Variants in ELMO1 observed in about 807,000 individuals in gnomAD.
The protein encoded by ELMO1 is engulfment and cell motility 1.
A neutral mutation model predicts 98.9 loss-of-function variants in ELMO1; 26 were observed. That is an observed-to-expected ratio of 0.26 (90% CI 0.19 to 0.36). ELMO1 has a LOEUF of 0.36. ELMO1 is among the 10% of genes least tolerant of loss of function. ELMO1 has a pLI of 1.00. For missense variants in ELMO1, 627 were observed against 935.2 expected (o/e 0.67, Z 4.30); for synonymous variants, 346 against 346.0 (o/e 1.00, Z 0.00).
At chr7:37,444,035 G>T (rs1409639059) in intron 1 of ELMO1, among the ~76,000 whole-genome samples, 1 of 152,174 alleles carries the variant, frequency 6.6e-6, no homozygotes, top group Non-Finnish European at 1.5e-5. Context: ...CTACCAAGTA[G>T]CTGGGACTAC....
intron 13 of ELMO1, among the ~76,000 whole-genome samples, chr7:37,145,832 C>T (rs1029730703): frequency 4.6e-5 from 7 of 152,144 alleles, no homozygotes; most frequent in African/African-American, 1.7e-4. Flanking sequence ...TTCACTTAAT[C>T]TATGAAAAGC....
chr7:37,438,044 T>C, intron 1 of ELMO1, among the ~76,000 whole-genome samples: 1 of 152,076 alleles, frequency 6.6e-6, no homozygotes, highest in East Asian at 1.9e-4. Flanking sequence ...CACCATGCTG[T>C]GTAATAAAAT....
chr7:36,987,388 C>T (rs1255559581), intron 16 of ELMO1, among the ~76,000 whole-genome samples: 3 of 152,152 alleles, frequency 2.0e-5, no homozygotes, highest in African/African-American at 4.8e-5. Context: ...CAGGGGTCTG[C>T]GGAAGCCCTC....
chr7:37,035,306 T>C (rs1795117524), intron 15 of ELMO1, among the ~76,000 whole-genome samples: 1 of 152,228 alleles, frequency 6.6e-6, no homozygotes, highest in Admixed American at 6.5e-5. Context: ...ATTCTCCAGA[T>C]TTTGATCTTT....
chr7:37,071,281 C>T (rs533617848), intron 15 of ELMO1, among the ~76,000 whole-genome samples: 2 of 152,234 alleles, frequency 1.3e-5, no homozygotes, highest in South Asian at 4.1e-4. Context: ...TGTAGGGTTC[C>T]ATTTACATGA....
Position 37,431,864 on chromosome 7 carries a change from T to G in ELMO1, c.-74+16811A>C, listed in dbSNP as rs558096174. On this transcript the variant is annotated intron_variant, in intron 1 of 21. Coordinates refer to ENST00000310758, the MANE Select transcript of ELMO1 (RefSeq NM_014800.11). ...GGCCAGGTGATCTATGAAGTTTGTTTTTTGTTTGTTTGTTTGTTTGTTTGT... is the reference window on the plus strand; with the variant it reads ...GGCCAGGTGATCTATGAAGTTTGTTGTTTGTTTGTTTGTTTGTTTGTTTGT... Among the ~76,000 whole-genome samples the G allele has an allele frequency of 2.6e-5, 4 of 152,066 alleles. No individual in the cohort carries two copies. In the East Asian group the frequency reaches 5.8e-4, roughly 22 times the overall value.
At chr7:36,903,425 C>T (rs981898137) in intron 16 of ELMO1, among the ~76,000 whole-genome samples, 1 of 148,934 alleles carries the variant, frequency 6.7e-6, no homozygotes, top group African/African-American at 2.4e-5. Flanking sequence ...CCAGAGCCTG[C>T]ACAGTCCAGT....
intron 16 of ELMO1, among the ~76,000 whole-genome samples, chr7:36,907,052 A>G (rs1204105814): frequency 6.6e-6 from 1 of 152,082 alleles, no homozygotes; most frequent in Non-Finnish European, 1.5e-5. Flanking sequence ...TTGTCTTTTT[A>G]TGACTACTGA....
chr7:37,154,847 A>T lies in ELMO1; in HGVS notation c.1087-21613T>A, dbSNP rs564356519. On this transcript the variant is annotated intron_variant, in intron 13 of 21. Transcript: ENST00000310758. ...GATACTCCTTGAGAAGAGCAACCCC[A>T]AGACACATAATTGTCAGATTTACCA... Among the ~76,000 whole-genome samples the T allele has an allele frequency of 1.9e-3, 286 of 152,334 alleles. 2 individuals carry two copies. The highest frequency in any genetic ancestry group is 6.7e-3 in the African/African-American group (277 of 41,576).
At chr7:36,904,493 C>T (rs1783815104) in intron 16 of ELMO1, among the ~76,000 whole-genome samples, 1 of 152,158 alleles carries the variant, frequency 6.6e-6, no homozygotes, top group Admixed American at 6.5e-5. Context: ...ACTAGTTATG[C>T]AATGTCTTAC....
intron 1 of ELMO1, among the ~76,000 whole-genome samples, chr7:37,390,013 G>A (rs974419456): frequency 1.3e-5 from 2 of 151,870 alleles, no homozygotes; most frequent in Non-Finnish European, 2.9e-5. Flanking sequence ...TTCATCCCCT[G>A]AGAAGTCACC....
intron 13 of ELMO1, among the ~76,000 whole-genome samples, chr7:37,182,012 C>G (rs898976210): frequency 9.3e-6 from 1 of 107,566 alleles, no homozygotes; most frequent in African/African-American, 3.8e-5. Context: ...AATTGCCCCC[C>G]TCTCAAATAA....
At chr7:36,952,433 A>G (rs1423635413) in intron 16 of ELMO1, among the ~76,000 whole-genome samples, 2 of 152,188 alleles carry the variant, frequency 1.3e-5, no homozygotes, top group African/African-American at 4.8e-5. Context: ...AGACGAGCAC[A>G]GTGAAAGAAG....
intron 2 of ELMO1, among the ~76,000 whole-genome samples, chr7:37,333,929 T>TA (rs1800259228): frequency 6.6e-6 from 1 of 152,176 alleles, no homozygotes; most frequent in African/African-American, 2.4e-5. Context: ...CCCTCATGGA[T>TA]AAATTGAGGC....
At chr7:37,435,129 C>T (rs1241242578) in intron 1 of ELMO1, 1 of 152,316 alleles carries the variant, frequency 6.6e-6, no homozygotes, top group Admixed American at 6.5e-5. Context: ...GGTCCAAGTG[C>T]CGAGGTGTTT....
intron 15 of ELMO1, 164 bp from the exon 16 acceptor site, chr7:37,013,599 C>T (rs1793715367): frequency 1.4e-5 from 11 of 766,616 alleles, no homozygotes; most frequent in Non-Finnish European, 1.8e-5. Flanking sequence ...GGATGGCCCC[C>T]ATACAACTCG....
rs372617571 is a variant in ELMO1 at position 37,013,296 on chromosome 7, T to C, written c.1437+3A>G. 4 of 1,613,932 alleles carry C rather than the reference T, an allele frequency of 2.5e-6. No individual in the cohort carries two copies. The highest frequency in any genetic ancestry group is 3.4e-6 in the Non-Finnish European group (4 of 1,179,944). On this transcript the variant is annotated splice_donor_region_variant and intron_variant, in intron 16 of 21. Coordinates refer to ENST00000310758, the MANE Select transcript of ELMO1 (RefSeq NM_014800.11). ...CCCTGCCTCTATCCGAGATCCACAT[T>C]ACCTTGTTGAAGTCTTCAGAAGTTG... is the stretch of plus-strand genomic sequence containing the variant.
In ELMO1 at chr7:36,949,196, C is replaced by A. The variant is rs1787764168; in HGVS notation, c.1438-54179G>T. 2.6e-5 allele frequency among the ~76,000 whole-genome samples: 4 copies of A among 152,238 alleles called. No individual in the cohort carries two copies. In the South Asian group the frequency reaches 8.3e-4, roughly 32 times the overall value. ...CAAAGATCTCATAACACTTTTTTAC[C>A]CTATGGTAGAGGTACTTACTTCCAT... On this transcript the variant is annotated intron_variant, in intron 16 of 21. Transcript: ENST00000310758.
chr7:37,167,047 G>A lies in ELMO1; in HGVS notation c.1087-33813C>T, dbSNP rs577459832. ...CTGTATTGGGTGCATATATATTTAGGATAGTTAGCTCTTCTTGTTGAATTG... is the reference window on the plus strand; with the variant it reads ...CTGTATTGGGTGCATATATATTTAGAATAGTTAGCTCTTCTTGTTGAATTG... On this transcript the variant is annotated intron_variant, in intron 13 of 21. Coordinates refer to ENST00000310758, the MANE Select transcript of ELMO1 (RefSeq NM_014800.11). 8.7e-4 allele frequency among the ~76,000 whole-genome samples: 132 copies of A among 152,204 alleles called. 1 individual carries two copies. Among genetic ancestry groups the A allele is most frequent in the African/African-American group, 3.2e-3 (131 of 41,534 alleles).
Sources: gnomAD v4.1 joint callset for allele counts (sites outside exome capture counted in the v4.1 genomes callset) on GRCh38, gnomAD v4.1.1 for gene constraint, MANE v1.5 for transcripts, NCBI Gene and HGNC (gene_info 2026-07-23, HGNC 2026-07-21) for gene names.